BABAM2: variants seen among roughly 807,000 people sequenced by gnomAD.
The protein encoded by BABAM2 is BRISC and BRCA1-A complex member 2.
BABAM2 carries 31 observed loss-of-function variants against 54.7 expected under a neutral mutation model. The observed-to-expected ratio is 0.57, with a 90% confidence interval of 0.43 to 0.77. The LOEUF is 0.77. Among genes scored for constraint, BABAM2 ranks in the 30% least tolerant of loss-of-function variants. The probability of loss-of-function intolerance (pLI) is 0.00; values close to 1 mark genes in which losing one functional copy is unlikely to be tolerated. For synonymous variants in BABAM2, 167 were observed against 162.9 expected (o/e 1.03, Z -0.19); for missense variants, 364 against 455.8 (o/e 0.80, Z 1.83).
At position 28,292,565 on chromosome 2, in the gene BABAM2, G is replaced by C. The variant is rs73922280; in HGVS notation, c.935-5773G>C. Among the ~76,000 whole-genome samples the C allele has an allele frequency of 2.2e-3, 328 of 152,216 alleles. 1 individual carries two copies. The highest frequency in any genetic ancestry group is 7.2e-3 in the African/African-American group (298 of 41,536). On this transcript the variant is annotated intron_variant, in intron 10 of 11. Transcript: ENST00000379624. ...TCACATAACAAGAAATCCAGAGCTG[G>C]GTAGTTCAGGGATGATGAATCCAGC...
chr2:28,232,821 G>A (rs974570530), intron 7 of BABAM2, among the ~76,000 whole-genome samples: 3 of 152,182 alleles, frequency 2.0e-5, no homozygotes, highest in Non-Finnish European at 4.4e-5. Context: ...CAGACAGACC[G>A]AAGTTCACAA....
intron 7 of BABAM2, among the ~76,000 whole-genome samples, chr2:28,172,400 C>T (rs1674445585): frequency 6.6e-6 from 1 of 152,118 alleles, no homozygotes; most frequent in African/African-American, 2.4e-5. Flanking sequence ...TCCCTACCCA[C>T]CCCGTGTGGC....
At chr2:28,178,562 A>G (rs972046811) in intron 7 of BABAM2, among the ~76,000 whole-genome samples, 5 of 152,124 alleles carry the variant, frequency 3.3e-5, no homozygotes, top group African/African-American at 1.2e-4. Flanking sequence ...AAGATTTCAA[A>G]TAAACAATCT....
At position 27,978,301 on chromosome 2, in the gene BABAM2, A is replaced by G. The variant is rs2148466140; in HGVS notation, c.206-9692A>G. Reference sequence around the variant, plus strand: ...GCCTGCTCTCCCTTCACCTCCTGCCATGATTGTAAGCTTGCTGAGGTCTTT... The same window carrying G: ...GCCTGCTCTCCCTTCACCTCCTGCCGTGATTGTAAGCTTGCTGAGGTCTTT... On this transcript the variant is annotated intron_variant, in intron 3 of 11. Coordinates refer to ENST00000379624, the MANE Select transcript of BABAM2 (RefSeq NM_199191.3). Among the ~76,000 whole-genome samples, 4 of 152,262 alleles carry G rather than the reference A, an allele frequency of 2.6e-5. 1 individual carries two copies. Among genetic ancestry groups the G allele is most frequent in the Admixed American group, 2.6e-4 (4 of 15,304 alleles).
chr2:28,143,272 C>T (rs1316048074), intron 7 of BABAM2, among the ~76,000 whole-genome samples: 1 of 151,994 alleles, frequency 6.6e-6, no homozygotes. Context: ...CCTGATCTCA[C>T]TTATATGTGG....
chr2:28,133,884 G>A (rs1301082279), intron 7 of BABAM2, among the ~76,000 whole-genome samples: 1 of 152,190 alleles, frequency 6.6e-6, no homozygotes, highest in Admixed American at 6.5e-5. Context: ...GCTCTGAAAT[G>A]TGATCCCACT....
intron 7 of BABAM2, among the ~76,000 whole-genome samples, chr2:28,150,306 T>C (rs1410455945): frequency 1.3e-5 from 2 of 152,224 alleles, no homozygotes; most frequent in African/African-American, 2.4e-5. Flanking sequence ...TCATGTTCTA[T>C]CTGCTGTCCC....
rs775031562 is a variant in BABAM2 at position 28,338,635 on chromosome 2, C to T, written c.*122C>T. The T allele has an allele frequency of 9.3e-6, 11 of 1,185,320 alleles. No individual in the cohort carries two copies. The highest frequency in any genetic ancestry group is 1.4e-5 in the Non-Finnish European group (11 of 807,138). 73.4% of individuals were successfully genotyped at this position (1,185,320 alleles called of 1,614,324 possible). The stretch of plus-strand genomic sequence containing the variant: ...CGGCAGCGTTTTGCTCACACAGCAG[C>T]TTTTGCACGCCCCAGGCAGCCCCGA... On this transcript the variant is annotated 3_prime_UTR_variant, in exon 12 of 12. Transcript: ENST00000379624.
At chr2:28,071,922 C>T (rs1468118860) in intron 6 of BABAM2, among the ~76,000 whole-genome samples, 1 of 152,094 alleles carries the variant, frequency 6.6e-6, no homozygotes, top group Non-Finnish European at 1.5e-5. Context: ...TTGACATGGC[C>T]CTAGTAGTCT....
At chr2:28,130,906 A>AT (rs1369052124) in intron 7 of BABAM2, among the ~76,000 whole-genome samples, 1 of 151,210 alleles carries the variant, frequency 6.6e-6, no homozygotes, top group African/African-American at 2.4e-5. Flanking sequence ...CGCCCAGCTA[A>AT]TTTTTTGTAT....
At chr2:27,912,391 T>C (rs1196257319) in intron 2 of BABAM2, among the ~76,000 whole-genome samples, 1 of 152,228 alleles carries the variant, frequency 6.6e-6, no homozygotes, top group Admixed American at 6.5e-5. Flanking sequence ...TTTTAAAGAA[T>C]AGTATTTATC....
At chr2:28,025,601 A>G (rs888154082) in intron 5 of BABAM2, 181 bp downstream of exon 5, 81 of 565,220 alleles carry the variant, frequency 1.4e-4, no homozygotes, top group African/African-American at 1.4e-3. Flanking sequence ...TGTGTTTCTC[A>G]AAGATATTAC....
At chr2:28,018,140 T>A (rs1055008979) in intron 4 of BABAM2, among the ~76,000 whole-genome samples, 9 of 152,194 alleles carry the variant, frequency 5.9e-5, no homozygotes, top group Non-Finnish European at 5.9e-5. Context: ...TTTCTTGCTA[T>A]CCTCACCCTT....
At chr2:27,923,260 A>G (rs1010323656) in intron 2 of BABAM2, among the ~76,000 whole-genome samples, 12 of 152,374 alleles carry the variant, frequency 7.9e-5, no homozygotes, top group African/African-American at 2.6e-4. Flanking sequence ...AAAGAAAAAG[A>G]TAAAATCAGG....
At chr2:28,245,849 T>G (rs1483452548) in intron 10 of BABAM2, among the ~76,000 whole-genome samples, 1 of 152,202 alleles carries the variant, frequency 6.6e-6, no homozygotes, top group East Asian at 1.9e-4. Context: ...CTTTAAGGGA[T>G]TTTTCTTCTG....
At chr2:28,182,978 C>T (rs1675808574) in intron 7 of BABAM2, among the ~76,000 whole-genome samples, 1 of 152,116 alleles carries the variant, frequency 6.6e-6, no homozygotes, top group Non-Finnish European at 1.5e-5. Context: ...TAGACCAAAG[C>T]CCATGAGGGT....
intron 7 of BABAM2, among the ~76,000 whole-genome samples, chr2:28,135,850 C>A (rs1670486620): frequency 1.3e-5 from 2 of 152,060 alleles, no homozygotes; most frequent in Non-Finnish European, 2.9e-5. Context: ...CTTCCAGTTG[C>A]CATGGGTCCT....
intron 4 of BABAM2, among the ~76,000 whole-genome samples, chr2:28,018,873 T>G (rs1468732747): frequency 6.6e-6 from 1 of 152,206 alleles, no homozygotes. Context: ...GGGATACATG[T>G]GCAGGACGTG....
chr2:28,213,657 A>T (rs1026240497), intron 7 of BABAM2, among the ~76,000 whole-genome samples: 5 of 152,118 alleles, frequency 3.3e-5, no homozygotes, highest in African/African-American at 1.2e-4. Context: ...TGAACTTAAG[A>T]TGTATATTAT....
Sources: gnomAD v4.1 joint callset for allele counts (sites outside exome capture counted in the v4.1 genomes callset) on GRCh38, gnomAD v4.1.1 for gene constraint, MANE v1.5 for transcripts, NCBI Gene and HGNC (gene_info 2026-07-23, HGNC 2026-07-21) for gene names.